Variants in ACIN1 observed in about 807,000 individuals in gnomAD.
ACIN1 encodes the protein apoptotic chromatin condensation inducer in the nucleus.
In ACIN1, 16 loss-of-function variants were observed where a neutral mutation model predicts 146.6. That is an observed-to-expected ratio of 0.11 (90% CI 0.07 to 0.17). The LOEUF (loss-of-function observed/expected upper bound fraction) is 0.17, where lower values mean the gene tolerates loss of function less well. Ranked by LOEUF, ACIN1 falls within the 10% of genes least tolerant of loss-of-function variation. The pLI, the probability that ACIN1 is intolerant of heterozygous loss-of-function variation, is 1.00. For missense variants in ACIN1, 1,357 were observed against 1,609.3 expected, an observed-to-expected ratio of 0.84 and a Z score of 2.68; for synonymous variants, 569 against 582.7, an observed-to-expected ratio of 0.98 and a Z score of 0.34.
upstream of ACIN1, chr14:23,095,326 CT>C (rs747526925): frequency 1.9e-6 from 3 of 1,557,392 alleles, no homozygotes; most frequent in Admixed American, 5.5e-5. Flanking sequence ...TGCAGCGCCC[CT>C]TTTCTCGCCC....
chr14:23,095,527 C>A (rs1031774164), upstream of ACIN1: 32 of 529,338 alleles, frequency 6.0e-5, no homozygotes, highest in African/African-American at 5.5e-4. Flanking sequence ...GCTGGCCCAG[C>A]TTAGGGTTTT....
At chr14:23,083,683 C>A (rs1248029728) in intron 4 of ACIN1, among the ~76,000 whole-genome samples, 1 of 152,026 alleles carries the variant, frequency 6.6e-6, no homozygotes, top group Admixed American at 6.5e-5. Context: ...GAGTCGAGAT[C>A]GCGCCACTGC....
Position 23,078,178 on chromosome 14 carries a change from G to A in ACIN1, c.2096C>T (p.Pro699Leu), listed in dbSNP as rs202100991. 4 of 1,614,194 alleles carry A rather than the reference G, an allele frequency of 2.5e-6. No individual in the cohort carries two copies. The highest frequency in any genetic ancestry group is 3.4e-6 in the Non-Finnish European group (4 of 1,180,028). Residue 699 changes from proline (P) to leucine (L), a missense_variant, in exon 8 of 19, where the codon CCA becomes CTA. Around this residue, in one of 4 missense-constraint regions of ACIN1, gnomAD observed 771 missense variants for 746.6 expected, o/e 1.03. Transcript: ENST00000605057. ...QTSETQTSHLPESERIHHTVE... is the reference protein window; with the variant it reads ...QTSETQTSHLLESERIHHTVE... Reference sequence around the variant, plus strand: ...AGTGTGATGAATTCTTTCTGATTCTGGCAGATGAGAGGTCTGAGTCTCTGA... The same window carrying A: ...AGTGTGATGAATTCTTTCTGATTCTAGCAGATGAGAGGTCTGAGTCTCTGA...
chr14:23,088,451 C>CT (rs1372627807), intron 4 of ACIN1, among the ~76,000 whole-genome samples: 1 of 152,196 alleles, frequency 6.6e-6, no homozygotes, highest in Admixed American at 6.5e-5. Flanking sequence ...CAAAGGCTCT[C>CT]TATTTTCTCT....
intron 4 of ACIN1, among the ~76,000 whole-genome samples, chr14:23,082,734 CAT>C (rs1486219530): frequency 7.9e-5 from 12 of 151,144 alleles, no homozygotes; most frequent in Non-Finnish European, 1.0e-4. Context: ...CATGAGCTCA[CAT>C]GTTTTTCTTT....
In ACIN1 at chr14:23,080,590, C is replaced by T. The variant is rs2140162083; in HGVS notation, c.745G>A (p.Glu249Lys). The T allele has an allele frequency of 6.2e-7, 1 of 1,614,150 alleles. No homozygotes were observed. Among genetic ancestry groups the T allele is most frequent in the Middle Eastern group, 1.6e-4 (1 of 6,062 alleles). ...TTTACTCTAGGTATCTCTTCCCCTT[C>T]TTCCTTAAACTCTTTCAGGATTGGT... Reference protein sequence around the residue: ...EAPILKEFKEEGEEIPRVKPE... With the variant: ...EAPILKEFKEKGEEIPRVKPE... The change falls in exon 6 of 19, where the codon GAA becomes AAA. Residue 249 changes from glutamate to lysine, a missense_variant. This residue lies in a region of ACIN1 where 771 missense variants were observed against 746.6 expected (regional missense o/e 1.03). Transcript: ENST00000605057.
At chr14:23,071,583 T>C (rs748577755) in intron 8 of ACIN1, 21 of 1,540,602 alleles carry the variant, frequency 1.4e-5, no homozygotes, top group South Asian at 8.4e-5. Context: ...AGCCTGTGTG[T>C]GCGGATGGGG....
At chr14:23,082,509 A>G (rs1441250052) in intron 4 of ACIN1, among the ~76,000 whole-genome samples, 3 of 145,082 alleles carry the variant, frequency 2.1e-5, no homozygotes, top group African/African-American at 5.2e-5. Flanking sequence ...CAGTGGTGCA[A>G]TCTCGCCTCA....
chr14:23,061,618 T>A lies in ACIN1; in HGVS notation c.3104A>T (p.Asp1035Val). ...GTCCACCAAGAGGCCTCGGTGATAA[T>A]CCAGCTGTGGGGAGAGGAGGGACAA... is the stretch of plus-strand genomic sequence containing the variant. ...CADYAEQDEL[D>V]YHRGLLVDRP... is the part of the protein sequence containing the mutation. Residue 1035 changes from aspartate to valine, a missense_variant, in exon 17 of 19, where the codon GAT becomes GTT. This residue lies in a region of ACIN1 where 509 missense variants were observed against 719.6 expected (regional missense o/e 0.71). Coordinates refer to ENST00000605057, the MANE Select transcript of ACIN1 (RefSeq NM_001386863.1). The A allele has an allele frequency of 1.3e-6, 2 of 1,530,550 alleles. No individual in the cohort carries two copies. The highest frequency in any genetic ancestry group is 1.8e-6 in the Non-Finnish European group (2 of 1,137,910). The allele number at this position is 1,530,550 out of a possible 1,614,324, so 94.8% of individuals were successfully genotyped here. A position where few individuals can be genotyped will look rare whatever the true frequency, so the allele number is the denominator to read the frequency against.
chr14:23,079,208 A>G (rs2047879421), intron 6 of ACIN1, among the ~76,000 whole-genome samples, 170 bp from the exon 7 acceptor site: 2 of 152,122 alleles, frequency 1.3e-5, no homozygotes, highest in Admixed American at 1.3e-4. Flanking sequence ...CTCCTTGACC[A>G]CTTATTTAAC....
intron 6 of ACIN1, 66 bp from the exon 7 acceptor site, chr14:23,079,104 G>C: frequency 6.8e-7 from 1 of 1,471,244 alleles, no homozygotes; most frequent in Non-Finnish European, 9.1e-7. Flanking sequence ...GTAGATTGCT[G>C]AGTTTTCCAG....
chr14:23,059,956 G>GTTTTTTTTTTTTTTTTTTTTTTTTTTTTT (rs397830741), intron 18 of ACIN1, among the ~76,000 whole-genome samples: 1 of 100,150 alleles, frequency 1.0e-5, no homozygotes, highest in Admixed American at 1.1e-4. Context: ...CGCCCCGCCA[G>GTTTTTTTTTTTTTTTTTTTTTTTTTTTTT]TTTTTTTTTT....
At chr14:23,060,203 A>C (rs971888715) in intron 18 of ACIN1, among the ~76,000 whole-genome samples, 7 of 145,136 alleles carry the variant, frequency 4.8e-5, no homozygotes, top group Non-Finnish European at 9.1e-5. Flanking sequence ...ATGGAGGCTT[A>C]GATGATCCGC....
At chr14:23,060,845 C>T (rs1178815859) in intron 18 of ACIN1, among the ~76,000 whole-genome samples, 1 of 152,214 alleles carries the variant, frequency 6.6e-6, no homozygotes, top group African/African-American at 2.4e-5. Flanking sequence ...GTCGGCACAG[C>T]CAGCTTCCCA....
intron 8 of ACIN1, among the ~76,000 whole-genome samples, chr14:23,072,478 C>T (rs1249182160): frequency 2.0e-5 from 3 of 152,056 alleles, no homozygotes; most frequent in South Asian, 2.1e-4. Context: ...GGGCAGAAAG[C>T]GACTGGGAAC....
rs753351580 is a variant in ACIN1 at position 23,079,937 on chromosome 14, T to C, written c.1398A>G (p.Arg466=). ...TTTTTAGAGGGAGGGGCTGAGCAGA[T>C]CTGTCTGACTCAGGTTCAAGATCCT... ...AQKDLEPESD[R]SAQPLPLKIE... is the part of the protein sequence containing the mutation. The change falls in exon 6 of 19, where the codon AGA becomes AGG. Residue 466 remains arginine, a synonymous_variant. Transcript: ENST00000605057. 14 of 1,614,062 alleles carry C rather than the reference T, an allele frequency of 8.7e-6. No homozygotes were observed. The highest frequency in any genetic ancestry group is 1.3e-5 in the African/African-American group (1 of 74,934).
At chr14:23,084,723 G>C (rs890215142) in intron 4 of ACIN1, among the ~76,000 whole-genome samples, 13 of 152,114 alleles carry the variant, frequency 8.5e-5, no homozygotes, top group Admixed American at 7.9e-4. Context: ...GGACCTCTGA[G>C]TATATACCAT....
intron 4 of ACIN1, among the ~76,000 whole-genome samples, chr14:23,082,253 ACTTT>A (rs752328175): frequency 5.9e-5 from 9 of 152,102 alleles, no homozygotes; most frequent in Non-Finnish European, 1.3e-4. Flanking sequence ...TATTACTACT[ACTTT>A]CTAATTTCAA....
Position 23,067,863 on chromosome 14 carries a change from C to T in ACIN1, c.2265+1613G>A. On this transcript the variant is annotated intron_variant, in intron 9 of 18. Coordinates refer to ENST00000605057, the MANE Select transcript of ACIN1 (RefSeq NM_001386863.1). The surrounding 1 kb of genome is among the most constrained non-coding windows in gnomAD (Gnocchi z 4.6). The stretch of plus-strand genomic sequence containing the variant: ...ATCATGGAGCCTCTGATGAAGGTAG[C>T]CTGGGGGTAGGTGAATACCCCAGGA... The T allele has an allele frequency of 1.0e-6, 1 of 985,814 alleles. No individual in the cohort carries two copies. 61.1% of individuals were successfully genotyped at this position (985,814 alleles called of 1,614,324 possible). A position where few individuals can be genotyped will look rare whatever the true frequency, so the allele number is the denominator to read the frequency against.
Sources: gnomAD v4.1 joint callset for allele counts (sites outside exome capture counted in the v4.1 genomes callset) on GRCh38, gnomAD v4.1.1 for gene constraint, gnomAD v4.1.1 regional missense constraint, Gnocchi (gnomAD v3.1) non-coding constraint, MANE v1.5 for transcripts, NCBI Gene and HGNC (gene_info 2026-07-23, HGNC 2026-07-21) for gene names.